Variants in GPATCH2 observed in about 807,000 individuals in gnomAD.
The protein encoded by GPATCH2 is G-patch domain containing 2.
A neutral mutation model predicts 58.0 loss-of-function variants in GPATCH2; 51 were observed. That is an observed-to-expected ratio of 0.88 (90% CI 0.70 to 1.11). The LOEUF (loss-of-function observed/expected upper bound fraction) is 1.11. Among genes scored for constraint, GPATCH2 ranks in the 50% most tolerant of loss-of-function variants. The pLI is 0.00. For missense variants in GPATCH2, 625 were observed against 652.2 expected, an observed-to-expected ratio of 0.96 and a Z score of 0.45; for synonymous variants, 222 against 218.5, an observed-to-expected ratio of 1.02 and a Z score of -0.14.
chr1:217,534,942 T>G (rs1664391201), intron 5 of GPATCH2, among the ~76,000 whole-genome samples: 1 of 152,256 alleles, frequency 6.6e-6, no homozygotes, highest in South Asian at 2.1e-4. Flanking sequence ...TATTCAGTTA[T>G]TTAGTACTTC....
At chr1:217,630,844 A>C (rs1475915283) in intron 1 of GPATCH2, 72 bp downstream of exon 1, 1 of 1,100,600 alleles carries the variant, frequency 9.1e-7, no homozygotes, top group Non-Finnish European at 1.3e-6. Flanking sequence ...CCTCCATTCC[A>C]GGTCCAGCGG....
intron 5 of GPATCH2, among the ~76,000 whole-genome samples, chr1:217,576,514 T>C (rs1288133624): frequency 6.6e-6 from 1 of 152,204 alleles, no homozygotes; most frequent in Non-Finnish European, 1.5e-5. Flanking sequence ...TTCTATTTAC[T>C]CCATTGTAGC....
In GPATCH2 at chr1:217,609,394, T is replaced by C. The variant is rs151269035; in HGVS notation, c.1098+927A>G. ...TTCATTAAGCTCTAAACCAAAATAA[T>C]AATTTTGATGTGTTTCAGGTATCAG... On this transcript the variant is annotated intron_variant, in intron 5 of 9. Coordinates refer to ENST00000366935, the MANE Select transcript of GPATCH2 (RefSeq NM_018040.5). The C allele has an allele frequency of 3.0e-4, 297 of 984,144 alleles. 1 individual carries two copies. The East Asian group carries it at 6.3e-3, about 21-fold the overall frequency. The allele number at this position is 984,144 out of a possible 1,614,324, so 61.0% of individuals were successfully genotyped here.
intron 7 of GPATCH2, among the ~76,000 whole-genome samples, chr1:217,493,685 C>A (rs2102537330): frequency 6.6e-6 from 1 of 152,162 alleles, no homozygotes; most frequent in South Asian, 2.1e-4. Context: ...ACCATGAACA[C>A]TAAATTGTTT....
At chr1:217,456,861 G>A (rs1659969573) in intron 8 of GPATCH2, among the ~76,000 whole-genome samples, 1 of 152,152 alleles carries the variant, frequency 6.6e-6, no homozygotes, top group Admixed American at 6.5e-5. Context: ...GAATAGGTGT[G>A]TGCGCTAAAC....
chr1:217,531,068 C>T (rs543472921), intron 5 of GPATCH2, among the ~76,000 whole-genome samples: 30 of 96,112 alleles, frequency 3.1e-4, no homozygotes, highest in Admixed American at 8.7e-4. Flanking sequence ...CACACACACA[C>T]ACACTTTATT....
intron 1 of GPATCH2, among the ~76,000 whole-genome samples, chr1:217,620,927 T>C (rs1306362315): frequency 1.3e-5 from 2 of 152,200 alleles, no homozygotes; most frequent in Non-Finnish European, 2.9e-5. Flanking sequence ...TGAAATCTTC[T>C]ATTCACCACG....
intron 5 of GPATCH2, among the ~76,000 whole-genome samples, chr1:217,541,495 TG>T (rs1664739314): frequency 6.6e-6 from 1 of 152,186 alleles, no homozygotes; most frequent in Non-Finnish European, 1.5e-5. Context: ...AGTACAGTCT[TG>T]TGAGTCACTA....
At chr1:217,500,054 A>G (rs116246328) in intron 6 of GPATCH2, among the ~76,000 whole-genome samples, 2,947 of 152,116 alleles carry the variant, frequency 0.019, 40 homozygotes, top group Middle Eastern at 0.044. Context: ...TGATTAATCA[A>G]TTGTAAATAC....
At chr1:217,466,947 C>T (rs1381577385) in intron 8 of GPATCH2, among the ~76,000 whole-genome samples, 11 of 152,100 alleles carry the variant, frequency 7.2e-5, no homozygotes, top group Admixed American at 5.2e-4. Context: ...CTGAGGCAGG[C>T]GGATTGCCTG....
At chr1:217,610,544 C>T (rs543484305) in intron 4 of GPATCH2, 144 bp from the exon 5 acceptor site, 1 of 619,906 alleles carries the variant, frequency 1.6e-6, no homozygotes, top group African/African-American at 1.9e-5. Flanking sequence ...ATGCAAAACT[C>T]ACACTTAAAA....
At chr1:217,589,910 A>T (rs1275491883) in intron 5 of GPATCH2, among the ~76,000 whole-genome samples, 1 of 152,176 alleles carries the variant, frequency 6.6e-6, no homozygotes, top group African/African-American at 2.4e-5. Context: ...GTGCTTCTAT[A>T]ACCAACTCTA....
At position 217,474,148 on chromosome 1, in the gene GPATCH2, CA is replaced by C. The variant is rs370478722; in HGVS notation, c.1277+17531del. Among the ~76,000 whole-genome samples the C allele has an allele frequency of 9.6e-3, 1,464 of 152,156 alleles. 11 individuals are homozygous for C. Among genetic ancestry groups the C allele is most frequent in the Middle Eastern group, 0.048 (14 of 294 alleles). On this transcript the variant is annotated intron_variant, in intron 8 of 9. Transcript: ENST00000366935. ...GCACTGCTTATGGTAACTGATGCCA[CA>C]AGGGGAGATAGTGAAGCATGAGAAG...
At chr1:217,441,888 TTGG>T (rs1363827142) in intron 9 of GPATCH2, among the ~76,000 whole-genome samples, 5 of 152,120 alleles carry the variant, frequency 3.3e-5, no homozygotes, top group Admixed American at 2.6e-4. Flanking sequence ...TTTTACATTG[TTGG>T]TGGGAGTGCA....
intron 8 of GPATCH2, among the ~76,000 whole-genome samples, chr1:217,451,867 T>C (rs113433704): frequency 0.016 from 2,468 of 152,306 alleles, 77 homozygotes; most frequent in African/African-American, 0.056. Flanking sequence ...TGTTAAAACA[T>C]AATAAACATT....
chr1:217,512,071 T>C (rs1325532583), intron 6 of GPATCH2, among the ~76,000 whole-genome samples: 1 of 152,064 alleles, frequency 6.6e-6, no homozygotes, highest in South Asian at 2.1e-4. Flanking sequence ...ATGGCTGTAA[T>C]CCCAGAGGTG....
chr1:217,551,247 A>G (rs752243933), intron 5 of GPATCH2, among the ~76,000 whole-genome samples: 7 of 152,194 alleles, frequency 4.6e-5, no homozygotes, highest in Admixed American at 2.0e-4. Context: ...CCGGCATTCT[A>G]TTTGATGCAA....
intron 8 of GPATCH2, among the ~76,000 whole-genome samples, chr1:217,465,435 A>T (rs1266491214): frequency 6.6e-6 from 1 of 152,180 alleles, no homozygotes; most frequent in Admixed American, 6.6e-5. Context: ...TTTTAAAATG[A>T]GATGGTCTGC....
chr1:217,608,561 A>C (rs986111992), intron 5 of GPATCH2: 4 of 985,150 alleles, frequency 4.1e-6, no homozygotes, highest in Non-Finnish European at 2.4e-6. Context: ...TGGGCTACAA[A>C]TCCCAGCTAT....
Sources: gnomAD v4.1 joint callset for allele counts (sites outside exome capture counted in the v4.1 genomes callset) on GRCh38, gnomAD v4.1.1 for gene constraint, MANE v1.5 for transcripts, NCBI Gene and HGNC (gene_info 2026-07-23, HGNC 2026-07-21) for gene names.